The following POFUT2 variants were observed in gnomAD, a reference collection of about 807,000 sequenced individuals.
The protein encoded by POFUT2 is protein O-fucosyltransferase 2.
Under a neutral mutation model 55.0 loss-of-function variants are expected in POFUT2, and 30 were observed. That is an observed-to-expected ratio of 0.55 (90% CI 0.41 to 0.74). The LOEUF (loss-of-function observed/expected upper bound fraction) is 0.74. Ranked by LOEUF, POFUT2 falls within the 30% of genes least tolerant of loss-of-function variation. POFUT2 has a pLI of 0.00. For missense variants in POFUT2, 524 were observed against 562.6 expected, an observed-to-expected ratio of 0.93 and a Z score of 0.69; for synonymous variants, 267 against 231.1, an observed-to-expected ratio of 1.16 and a Z score of -1.41.
rs955235727 is a variant in POFUT2, at chr21:45,273,805, G to A, written c.831+3212C>T. ...ACCCTCAGCAAAGGTGGCATAGAAG[G>A]GACATACCTCAAGATAATAAAAGTC... On this transcript the variant is annotated intron_variant, in intron 6 of 8. Transcript: ENST00000349485. Among the ~76,000 whole-genome samples the A allele has an allele frequency of 4.6e-5, 7 of 152,088 alleles. No homozygotes were observed. The East Asian group carries it at 1.2e-3, about 25-fold the overall frequency.
chr21:45,287,222 TC>T (rs1163738583), intron 1 of POFUT2, among the ~76,000 whole-genome samples: 2 of 87,678 alleles, frequency 2.3e-5, no homozygotes, highest in East Asian at 8.4e-4. Context: ...CCTGCCCCTG[TC>T]CCGTCCCCGT....
rs1784980898 is a variant in POFUT2, at chr21:45,267,271, G to A, written c.1136+319C>T. Reference sequence around the variant, plus strand: ...AGGGCACGGGCAACTCTCAGGGCAGGGGGCAGACAGGGGCAGAAACCGGGA... The same window carrying A: ...AGGGCACGGGCAACTCTCAGGGCAGAGGGCAGACAGGGGCAGAAACCGGGA... On this transcript the variant is annotated intron_variant, in intron 8 of 8. Coordinates refer to ENST00000349485, the MANE Select transcript of POFUT2 (RefSeq NM_133635.6). The surrounding 1 kb of genome is among the most constrained non-coding windows in gnomAD (Gnocchi z 4.4). 8.3e-6 allele frequency: 12 copies of A among 1,441,044 alleles called. No individual in the cohort carries two copies. Among genetic ancestry groups the A allele is most frequent in the Admixed American group, 2.8e-5 (1 of 36,022 alleles). The allele number at this position is 1,441,044 out of a possible 1,614,324, so 89.3% of individuals were successfully genotyped here.
chr21:45,265,950 G>A lies in POFUT2; in HGVS notation c.1137-315C>T. The A allele has an allele frequency of 1.6e-6, 2 of 1,254,214 alleles. 1 individual carries two copies. Among genetic ancestry groups the A allele is most frequent in the South Asian group, 3.1e-5 (2 of 64,916 alleles). The allele number at this position is 1,254,214 out of a possible 1,614,324, so 77.7% of individuals were successfully genotyped here. A position where few individuals can be genotyped will look rare whatever the true frequency, so the allele number is the denominator to read the frequency against. On this transcript the variant is annotated intron_variant, in intron 8 of 8. Transcript: ENST00000349485. This position sits in a 1 kb window ranked among gnomAD's most constrained non-coding sequence, Gnocchi z 4.6. ...CCCTCCTCTCCGTCACCAAATCCCAGGCCAGGCACGCCAGTGCAGGTCGAA... is the reference window on the plus strand; with the variant it reads ...CCCTCCTCTCCGTCACCAAATCCCAAGCCAGGCACGCCAGTGCAGGTCGAA...
intron 6 of POFUT2, among the ~76,000 whole-genome samples, chr21:45,272,498 C>T (rs1158004868): frequency 1.3e-5 from 2 of 152,142 alleles, no homozygotes; most frequent in Non-Finnish European, 2.9e-5. Context: ...GACAGGTCAT[C>T]AAGACAGAAA....
In POFUT2 at chr21:45,277,023, C is replaced by T. The variant is rs1468830934; in HGVS notation, c.825G>A (p.Lys275=). 2 of 1,613,968 alleles carry T rather than the reference C, an allele frequency of 1.2e-6. No homozygotes were observed. The highest frequency in any genetic ancestry group is 1.1e-5 in the South Asian group (1 of 91,094). The part of the protein sequence containing the change: ...DRIPFQEDWM[K]MKVKLGSALG... ...CAAAAGGGAGGGGGGCTACCTTCAT[C>T]TTCATCCAGTCCTCCTGGAAGGGGA... The change falls in exon 6 of 9, where the codon AAG becomes AAA. Residue 275 remains lysine, a synonymous_variant. Coordinates refer to ENST00000349485, the MANE Select transcript of POFUT2 (RefSeq NM_133635.6). This position sits in a 1 kb window ranked among gnomAD's most constrained non-coding sequence, Gnocchi z 6.9.
chr21:45,272,626 T>C (rs2093228929), intron 6 of POFUT2, among the ~76,000 whole-genome samples: 1 of 152,150 alleles, frequency 6.6e-6, no homozygotes, highest in African/African-American at 2.4e-5. Flanking sequence ...ATATGGAACG[T>C]TATCCAAGAT....
rs114123331 is a variant in POFUT2, at chr21:45,274,240, A to G, written c.831+2777T>C. Among the ~76,000 whole-genome samples the G allele has an allele frequency of 5.5e-3, 833 of 152,204 alleles. 5 individuals are homozygous for G. The highest frequency in any genetic ancestry group is 0.019 in the African/African-American group (793 of 41,506). Reference sequence around the variant, plus strand: ...ACAGCTGCAAACAAACAAACAAACAAAAACAACCAAAAAAACCCACAAAAC... The same window carrying G: ...ACAGCTGCAAACAAACAAACAAACAGAAACAACCAAAAAAACCCACAAAAC... On this transcript the variant is annotated intron_variant, in intron 6 of 8. Coordinates refer to ENST00000349485, the MANE Select transcript of POFUT2 (RefSeq NM_133635.6).
intron 6 of POFUT2, among the ~76,000 whole-genome samples, chr21:45,273,748 T>C (rs1222380675): frequency 6.6e-6 from 1 of 152,226 alleles, no homozygotes; most frequent in Non-Finnish European, 1.5e-5. Context: ...GAAGAGGCAT[T>C]TGACAAAATC....
chr21:45,286,262 G>A (rs75934475), intron 1 of POFUT2, among the ~76,000 whole-genome samples: 1,583 of 152,272 alleles, frequency 0.01, 34 homozygotes, highest in African/African-American at 0.036. Flanking sequence ...AATGACTGAC[G>A]GCTGGTTATG....
chr21:45,275,255 T>A (rs2093252413), intron 6 of POFUT2, among the ~76,000 whole-genome samples: 1 of 152,126 alleles, frequency 6.6e-6, no homozygotes, highest in African/African-American at 2.4e-5. Flanking sequence ...GGCCATAATT[T>A]AAAAACCCAA....
chr21:45,269,620 A>G (rs2093199565), intron 7 of POFUT2, among the ~76,000 whole-genome samples: 1 of 151,822 alleles, frequency 6.6e-6, no homozygotes, highest in Non-Finnish European at 1.5e-5. Context: ...ACCAATCCCT[A>G]ATCTCAAGTA....
In POFUT2 at chr21:45,277,237, G is replaced by A. The variant is rs2029900640; in HGVS notation, c.706-95C>T. The A allele has an allele frequency of 6.0e-6, 9 of 1,494,532 alleles. No individual in the cohort carries two copies. The highest frequency in any genetic ancestry group is 2.3e-5 in the East Asian group (1 of 42,992). 92.6% of individuals were successfully genotyped at this position (1,494,532 alleles called of 1,614,324 possible). A position where few individuals can be genotyped will look rare whatever the true frequency, so the allele number is the denominator to read the frequency against. On this transcript the variant is annotated intron_variant, in intron 5 of 8. Coordinates refer to ENST00000349485, the MANE Select transcript of POFUT2 (RefSeq NM_133635.6). The surrounding 1 kb of genome is among the most constrained non-coding windows in gnomAD (Gnocchi z 6.9). ...CCTGTCGCTGCCACCACCCACCCCC[G>A]CAGCTGGAACAAGCCCCTCAGACAC...
At chr21:45,274,238 C>T (rs1042694267) in intron 6 of POFUT2, among the ~76,000 whole-genome samples, 2 of 151,844 alleles carry the variant, frequency 1.3e-5, no homozygotes, top group African/African-American at 4.8e-5. Flanking sequence ...AACAAACAAA[C>T]AAAAACAACC....
At position 45,285,971 on chromosome 21, in the gene POFUT2, T is replaced by C. The variant is rs2031362055; in HGVS notation, c.132-43A>G. The C allele has an allele frequency of 1.3e-6, 2 of 1,554,216 alleles. No homozygotes were observed. Among genetic ancestry groups the C allele is most frequent in the African/African-American group, 1.4e-5 (1 of 73,244 alleles). The stretch of plus-strand genomic sequence containing the variant: ...GGACCACAGGTCTCAAATGCTGAGG[T>C]TTCTGCACGGAAAACCCGACTGCTC... On this transcript the variant is annotated intron_variant, in intron 1 of 8. Coordinates refer to ENST00000349485, the MANE Select transcript of POFUT2 (RefSeq NM_133635.6). This position sits in a 1 kb window ranked among gnomAD's most constrained non-coding sequence, Gnocchi z 4.9.
In POFUT2 at chr21:45,275,608, A is replaced by T. The variant is rs144271557; in HGVS notation, c.831+1409T>A. Among the ~76,000 whole-genome samples, 313 of 152,356 alleles carry T rather than the reference A, an allele frequency of 2.1e-3. 2 individuals carry two copies. The highest frequency in any genetic ancestry group is 3.9e-3 in the Non-Finnish European group (267 of 68,026). On this transcript the variant is annotated intron_variant, in intron 6 of 8. Transcript: ENST00000349485. ...AATGAATGCATTTGCAGCAACCTGG[A>T]TGGAGCTGGAGACCATTATTCTAAG...
chr21:45,268,975 C>T lies in POFUT2; in HGVS notation c.1012+864G>A, dbSNP rs1364760465. Among the ~76,000 whole-genome samples the T allele has an allele frequency of 1.8e-4, 19 of 104,126 alleles. 4 individuals carry two copies. The highest frequency in any genetic ancestry group is 8.4e-4 in the Admixed American group (10 of 11,928). 68.3% of individuals were successfully genotyped at this position (104,126 alleles called of 152,430 possible). On this transcript the variant is annotated intron_variant, in intron 7 of 8. Coordinates refer to ENST00000349485, the MANE Select transcript of POFUT2 (RefSeq NM_133635.6). ...GAGGTGAGGGGCGCCTCTGCCCGGC[C>T]GCCCCTACTGGGAAGCAAAGAGCCC...
rs2030927424 is a variant in POFUT2 at position 45,283,247 on chromosome 21, C to T, written c.527+136G>A. 7.0e-6 allele frequency: 3 copies of T among 431,636 alleles called. No homozygotes were observed. The African/African-American group carries it at 8.5e-5, about 12-fold the overall frequency. 26.7% of individuals were successfully genotyped at this position (431,636 alleles called of 1,614,324 possible). A position where few individuals can be genotyped will look rare whatever the true frequency, so the allele number is the denominator to read the frequency against. On this transcript the variant is annotated intron_variant, in intron 3 of 8. Transcript: ENST00000349485. ...CACCGTGGCGGGGGGAGGCGGGGTGCTGCAGGGGGGGCGGGGGGCACCCAC... is the reference window on the plus strand; with the variant it reads ...CACCGTGGCGGGGGGAGGCGGGGTGTTGCAGGGGGGGCGGGGGGCACCCAC...
At position 45,285,320 on chromosome 21, in the gene POFUT2, T is replaced by A; in HGVS notation, c.382+358A>T. The A allele has an allele frequency of 2.9e-6, 1 of 348,866 alleles. No homozygotes were observed. Among genetic ancestry groups the A allele is most frequent in the South Asian group, 2.4e-5 (1 of 40,868 alleles). 21.6% of individuals were successfully genotyped at this position (348,866 alleles called of 1,614,324 possible). A position where few individuals can be genotyped will look rare whatever the true frequency, so the allele number is the denominator to read the frequency against. ...ACCACGAAGCATACTCCACACGCAG[T>A]GCGTCTTCCTGAACGTAAAACAGCC... On this transcript the variant is annotated intron_variant, in intron 2 of 8. Transcript: ENST00000349485. The surrounding 1 kb of genome is among the most constrained non-coding windows in gnomAD (Gnocchi z 4.9).
rs1045956828 is a variant in POFUT2 at position 45,282,405 on chromosome 21, G to A, written c.582C>T (p.Ser194=). Residue 194 remains serine, a synonymous_variant, in exon 4 of 9, where the codon TCC becomes TCT. Coordinates refer to ENST00000349485, the MANE Select transcript of POFUT2 (RefSeq NM_133635.6). The surrounding 1 kb of genome is among the most constrained non-coding windows in gnomAD (Gnocchi z 4.6). ...CCACGATGGAGGCTGAGCCCTGGAC[G>A]GACAGACAGGAGACGTTTAGACCCC... ...ETRGLNVSCL[S]VQGSASIVAP... The A allele has an allele frequency of 1.5e-5, 24 of 1,613,516 alleles. No individual in the cohort carries two copies. Among genetic ancestry groups the A allele is most frequent in the Non-Finnish European group, 1.4e-5 (17 of 1,179,848 alleles).
Sources: allele counts gnomAD v4.1 joint callset (sites outside exome capture counted in the v4.1 genomes callset), GRCh38; gene constraint gnomAD v4.1.1; non-coding constraint Gnocchi (gnomAD v3.1); transcripts MANE v1.5; gene names NCBI Gene and HGNC (gene_info 2026-07-23, HGNC 2026-07-21).